Variants in COL24A1 observed in about 807,000 individuals in gnomAD.
COL24A1 encodes the protein collagen type XXIV alpha 1 chain.
A neutral mutation model predicts 253.9 loss-of-function variants in COL24A1; 224 were observed. The observed-to-expected ratio is 0.88, with a 90% confidence interval of 0.79 to 0.99. The LOEUF (loss-of-function observed/expected upper bound fraction) is 0.99. Among genes scored for constraint, COL24A1 ranks in the 50% least tolerant of loss-of-function variants. The pLI, the probability that COL24A1 is intolerant of heterozygous loss-of-function variation, is 0.00. For missense variants in COL24A1, 2,131 were observed against 2,068.5 expected (o/e 1.03, Z -0.59); for synonymous variants, 685 against 673.7 (o/e 1.02, Z -0.26).
chr1:86,098,408 TA>T (rs1704175483), intron 5 of COL24A1, among the ~76,000 whole-genome samples: 1 of 27,800 alleles, frequency 3.6e-5, no homozygotes, highest in African/African-American at 6.2e-5. Context: ...ATGCTGGATA[TA>T]GATTTTTCAT....
chr1:85,799,148 C>T (rs1671130224), intron 47 of COL24A1, among the ~76,000 whole-genome samples: 1 of 146,818 alleles, frequency 6.8e-6, no homozygotes, highest in South Asian at 2.1e-4. Flanking sequence ...GTCACATGAT[C>T]TTGAAAAAAC....
At chr1:85,875,747 A>T (rs1681083634) in intron 33 of COL24A1, among the ~76,000 whole-genome samples, 1 of 117,992 alleles carries the variant, frequency 8.5e-6, no homozygotes, top group Non-Finnish European at 1.8e-5. Flanking sequence ...ACACACACAC[A>T]CACACACACA....
intron 51 of COL24A1, among the ~76,000 whole-genome samples, chr1:85,782,070 A>C (rs1172753850): frequency 6.6e-6 from 1 of 152,136 alleles, no homozygotes; most frequent in African/African-American, 2.4e-5. Context: ...TCCTCTTTGC[A>C]TTATTTTTTG....
intron 55 of COL24A1, among the ~76,000 whole-genome samples, chr1:85,748,408 G>C (rs1157562316): frequency 6.6e-6 from 1 of 152,176 alleles, no homozygotes; most frequent in African/African-American, 2.4e-5. Flanking sequence ...GATATTTAAA[G>C]AAGATAAGAA....
intron 32 of COL24A1, among the ~76,000 whole-genome samples, chr1:85,881,207 T>C (rs1476919607): frequency 6.6e-6 from 1 of 152,102 alleles, no homozygotes; most frequent in Non-Finnish European, 1.5e-5. Context: ...TTGATTCTAT[T>C]TCTTTATCAA....
chr1:85,877,897 G>C (rs1388722247), intron 32 of COL24A1, among the ~76,000 whole-genome samples: 1 of 152,074 alleles, frequency 6.6e-6, no homozygotes. Flanking sequence ...GCATCTTAAA[G>C]AAGTAAATAT....
intron 32 of COL24A1, among the ~76,000 whole-genome samples, chr1:85,885,511 G>A (rs1041120405): frequency 7.3e-5 from 11 of 151,450 alleles, no homozygotes; most frequent in African/African-American, 1.5e-4. Context: ...GTGAGCCACC[G>A]TGCCCAACTC....
Position 85,774,539 on chromosome 1 carries a change from C to G in COL24A1, c.4374+1135G>C, listed in dbSNP as rs573699071. 5.3e-5 allele frequency among the ~76,000 whole-genome samples: 8 copies of G among 152,280 alleles called. No individual in the cohort carries two copies. In the South Asian group the frequency reaches 1.7e-3, roughly 32 times the overall value. The stretch of plus-strand genomic sequence containing the variant: ...GTTGGTAAGCTATTAATTATTGCCT[C>G]AATTTCAGAGCTTGTTATTGGTCTA... On this transcript the variant is annotated intron_variant, in intron 53 of 59. Coordinates refer to ENST00000370571, the MANE Select transcript of COL24A1 (RefSeq NM_152890.7).
intron 37 of COL24A1, among the ~76,000 whole-genome samples, chr1:85,860,379 A>G (rs1570952601): frequency 6.6e-6 from 1 of 152,146 alleles, no homozygotes; most frequent in African/African-American, 2.4e-5. Context: ...CAACCCCTCT[A>G]GCCCTAGGCA....
At chr1:85,939,448 T>C (rs534643946) in intron 24 of COL24A1, among the ~76,000 whole-genome samples, 2 of 152,284 alleles carry the variant, frequency 1.3e-5, no homozygotes, top group African/African-American at 4.8e-5. Context: ...TACATATATA[T>C]GGTTTCTGGG....
intron 14 of COL24A1, among the ~76,000 whole-genome samples, chr1:86,024,874 G>C (rs1201415690): frequency 6.6e-6 from 1 of 151,934 alleles, no homozygotes; most frequent in African/African-American, 2.4e-5. Flanking sequence ...TTTCTTCATA[G>C]ATAAAATAAT....
chr1:85,889,275 A>T (rs1453386972), intron 32 of COL24A1, among the ~76,000 whole-genome samples: 2 of 152,138 alleles, frequency 1.3e-5, no homozygotes, highest in Non-Finnish European at 2.9e-5. Context: ...ACAGCAAGCC[A>T]TTCAGAAAGA....
intron 31 of COL24A1, among the ~76,000 whole-genome samples, chr1:85,895,437 T>C (rs1043052096): frequency 6.6e-6 from 1 of 152,208 alleles, no homozygotes; most frequent in African/African-American, 2.4e-5. Flanking sequence ...TAATGTCTCA[T>C]TATATTTATA....
intron 47 of COL24A1, among the ~76,000 whole-genome samples, chr1:85,786,816 T>C (rs1669732243): frequency 6.6e-6 from 1 of 152,196 alleles, no homozygotes; most frequent in African/African-American, 2.4e-5. Context: ...CTCTAATAAC[T>C]GCTGAAAGTC....
intron 5 of COL24A1, among the ~76,000 whole-genome samples, chr1:86,111,231 C>T (rs1705562067): frequency 6.6e-6 from 1 of 151,868 alleles, no homozygotes; most frequent in South Asian, 2.1e-4. Context: ...ATACACCAAT[C>T]AGCACTCTGT....
At chr1:85,843,782 C>T (rs567316264) in intron 39 of COL24A1, among the ~76,000 whole-genome samples, 2 of 151,982 alleles carry the variant, frequency 1.3e-5, no homozygotes, top group African/African-American at 2.4e-5. Flanking sequence ...TAAGTGAATG[C>T]GTGTGGAAAC....
intron 5 of COL24A1, among the ~76,000 whole-genome samples, chr1:86,109,235 A>G (rs1705303960): frequency 6.6e-6 from 1 of 152,162 alleles, no homozygotes. Context: ...CTTCTTCCCT[A>G]TTACTTATCC....
At chr1:86,128,903 A>C (rs1048423242) in intron 2 of COL24A1, among the ~76,000 whole-genome samples, 1 of 151,942 alleles carries the variant, frequency 6.6e-6, no homozygotes, top group African/African-American at 2.4e-5. Context: ...CTACATCAAT[A>C]TGTATGAGTT....
In COL24A1 at chr1:85,961,306, A is replaced by C. The variant is rs1303313544; in HGVS notation, c.2518-13T>G. On this transcript the variant is annotated splice_polypyrimidine_tract_variant and intron_variant, in intron 23 of 59. Coordinates refer to ENST00000370571, the MANE Select transcript of COL24A1 (RefSeq NM_152890.7). ...CTCCTACTTCTCCCTGTCAAAAAAG[A>C]ATATAAAGTTGCAAAAACAGTTATT... 6.3e-7 allele frequency: 1 copy of C among 1,596,226 alleles called. No individual in the cohort carries two copies. The highest frequency in any genetic ancestry group is 8.6e-7 in the Non-Finnish European group (1 of 1,166,124).
Sources: allele counts gnomAD v4.1 joint callset (sites outside exome capture counted in the v4.1 genomes callset), GRCh38; gene constraint gnomAD v4.1.1; transcripts MANE v1.5; gene names NCBI Gene and HGNC (gene_info 2026-07-23, HGNC 2026-07-21).